RIF1: variants seen among roughly 807,000 people sequenced by gnomAD.
RIF1 encodes the protein telomere-associated protein RIF1.
RIF1 carries 45 observed loss-of-function variants against 247.1 expected under a neutral mutation model. The observed-to-expected ratio is 0.18, with a 90% CI of 0.14 to 0.23. The LOEUF (loss-of-function observed/expected upper bound fraction) is 0.23. Among genes scored for constraint, RIF1 ranks in the 10% least tolerant of loss-of-function variants. RIF1 has a pLI of 1.00. For synonymous variants in RIF1, 1,087 were observed against 978.8 expected, an observed-to-expected ratio of 1.11 and a Z score of -2.06; for missense variants, 2,967 against 2,862.5, an observed-to-expected ratio of 1.04 and a Z score of -0.83.
intron 9 of RIF1, chr2:151,491,840 G>A: frequency 7.5e-7 from 1 of 1,329,380 alleles, no homozygotes; most frequent in Non-Finnish European, 1.0e-6. Context: ...GAAAACCAAG[G>A]CATGAATTTT....
At chr2:151,531,266 C>T in the RIF1 span, among the ~76,000 whole-genome samples, 2 of 147,968 alleles carry the variant, frequency 1.4e-5, no homozygotes, top group Non-Finnish European at 3.0e-5. Flanking sequence ...TTCCAGCTGG[C>T]GTGTCTGCCA....
intron 11 of RIF1, chr2:151,499,684 C>T: frequency 1.5e-5 from 4 of 275,482 alleles, no homozygotes; most frequent in South Asian, 4.1e-5. Context: ...CACTAAAATA[C>T]TCAGTGTACA....
intron 23 of RIF1, among the ~76,000 whole-genome samples, chr2:151,457,095 T>C (rs1434145154): frequency 1.3e-5 from 2 of 152,142 alleles, no homozygotes; most frequent in Non-Finnish European, 1.5e-5. Context: ...GGGTTTTTTT[T>C]TTTTTAAGGA....
the RIF1 span, chr2:151,525,261 T>C: frequency 5.0e-6 from 8 of 1,611,376 alleles, no homozygotes; most frequent in Non-Finnish European, 6.8e-6. Context: ...ACAAACTTCT[T>C]TTTGTAATTT....
the RIF1 span, chr2:151,525,256 C>CT: frequency 6.2e-7 from 1 of 1,612,608 alleles, no homozygotes; most frequent in Non-Finnish European, 8.5e-7. Context: ...CCTTGACAAA[C>CT]TTCTTTTTGT....
At chr2:151,430,199 T>C (rs1417876218) in intron 9 of RIF1, among the ~76,000 whole-genome samples, 1 of 151,976 alleles carries the variant, frequency 6.6e-6, no homozygotes, top group South Asian at 2.1e-4. Context: ...TTTTTTGTAT[T>C]TTTAGTAGAG....
the RIF1 span, chr2:151,533,573 C>G: frequency 1.5e-6 from 2 of 1,368,100 alleles, no homozygotes; most frequent in Non-Finnish European, 2.0e-6. Flanking sequence ...CAGTGAAGCA[C>G]AAAAGAGACT....
rs1694954907 is a variant in RIF1, at chr2:151,455,018, A to G, written c.2468A>G (p.His823Arg). 2.5e-6 allele frequency: 4 copies of G among 1,613,990 alleles called. No homozygotes were observed. The highest frequency in any genetic ancestry group is 4.5e-5 in the East Asian group (2 of 44,846). The change falls in exon 22 of 36, where the codon CAT becomes CGT. Residue 823 changes from histidine (H) to arginine (R), a missense_variant. Coordinates refer to ENST00000444746, the MANE Select transcript of RIF1 (RefSeq NM_018151.5). The stretch of plus-strand genomic sequence containing the variant: ...CACACACTGAGCTTCAAGGAAGCAC[A>G]TTCTGATACCCTCTTCACTATTGGC... ...SFHTLSFKEA[H>R]SDTLFTIGNS... is the part of the protein sequence containing the mutation.
chr2:151,480,382 A>T lies in RIF1; in HGVS notation c.*5311A>T, dbSNP rs1351473941. The T allele has an allele frequency of 6.6e-6, 1 of 152,186 alleles. No homozygotes were observed. Among genetic ancestry groups the T allele is most frequent in the Non-Finnish European group, 1.5e-5 (1 of 68,020 alleles). 9.4% of individuals were successfully genotyped at this position (152,186 alleles called of 1,614,324 possible). On this transcript the variant is annotated 3_prime_UTR_variant, in exon 36 of 36. Coordinates refer to ENST00000444746, the MANE Select transcript of RIF1 (RefSeq NM_018151.5). ...TGATGCACTGAGAAGTGATGAGTTG[A>T]AGAGAATGGAAAAGGCAGATTGAGC... is the stretch of plus-strand genomic sequence containing the variant.
chr2:151,428,872 T>A lies in RIF1; in HGVS notation c.875T>A (p.Ile292Lys). Residue 292 changes from isoleucine (I) to lysine (K), a missense_variant, in exon 9 of 36, where the codon ATA becomes AAA. By Grantham distance (102) the Ile-to-Lys change is moderately radical (BLOSUM62 -3). Transcript: ENST00000444746. ...AGTGGAGCACCCATGATTAAAAAGA[T>A]AGCTTTTATTGCTTGGAAGAGTTTA... ...FRSGAPMIKK[I>K]AFIAWKSLID... 6.5e-7 allele frequency: 1 copy of A among 1,532,676 alleles called. No individual in the cohort carries two copies. The highest frequency in any genetic ancestry group is 9.0e-7 in the Non-Finnish European group (1 of 1,106,142). 94.9% of individuals were successfully genotyped at this position (1,532,676 alleles called of 1,614,324 possible).
At chr2:151,469,657 A>G in intron 33 of RIF1, 54 bp from the exon 34 acceptor site, 4 of 1,300,264 alleles carry the variant, frequency 3.1e-6, no homozygotes, top group Non-Finnish European at 3.1e-6. Context: ...ACCCTTGCAA[A>G]TAGCATATAA....
downstream of RIF1, among the ~76,000 whole-genome samples, chr2:151,485,055 T>A (rs2049481893): frequency 6.6e-6 from 1 of 152,192 alleles, no homozygotes; most frequent in Non-Finnish European, 1.5e-5. Flanking sequence ...TGGTTGCTTC[T>A]TCTCCCTTTG....
downstream of RIF1, chr2:151,512,593 C>A: frequency 1.4e-6 from 1 of 704,502 alleles, no homozygotes; most frequent in Non-Finnish European, 2.5e-6. Context: ...GGAATACAGA[C>A]GTGAGCCACT....
At chr2:151,436,680 T>TG in intron 11 of RIF1, 147 bp from the exon 12 acceptor site, 1 of 567,510 alleles carries the variant, frequency 1.8e-6, no homozygotes, top group Non-Finnish European at 3.0e-6. Flanking sequence ...ACAGAATACC[T>TG]GCATATTAAT....
rs57595818 is a variant in RIF1, at chr2:151,415,585, A to AAG, written c.280+666_280+667insAG. ...TCTCAAAAAAAAAAAAAAAAAAAAA[A>AAG]GGATATTGCTGGGTGCAGTGTCTCA... On this transcript the variant is annotated intron_variant, in intron 4 of 35. Transcript: ENST00000444746. Among the ~76,000 whole-genome samples, 5 of 16,080 alleles carry AAG rather than the reference A, an allele frequency of 3.1e-4. No individual in the cohort carries two copies. In the East Asian group the frequency reaches 0.054, roughly 172 times the overall value. The allele number at this position is 16,080 out of a possible 152,430, so 10.5% of individuals were successfully genotyped here.
rs1372842997 is a variant in RIF1 at position 151,454,974 on chromosome 2, G to A, written c.2424G>A (p.Val808=). Residue 808 remains valine, a synonymous_variant, in exon 22 of 36, where the codon GTG becomes GTA. Transcript: ENST00000444746. ...TGACTTCTTTATTTAAACTTATTGT[G>A]AAAGTGATCTATTCTTTCCACACAC... ...GKLTSLFKLI[V]KVIYSFHTLS... The A allele has an allele frequency of 1.2e-6, 2 of 1,613,360 alleles. No individual in the cohort carries two copies. The highest frequency in any genetic ancestry group is 2.2e-5 in the East Asian group (1 of 44,798).
Position 151,441,892 on chromosome 2 carries a change from T to G in RIF1, c.1648-13T>G. On this transcript the variant is annotated splice_polypyrimidine_tract_variant and intron_variant, in intron 15 of 35. Coordinates refer to ENST00000444746, the MANE Select transcript of RIF1 (RefSeq NM_018151.5). ...TACGGCTAATTTACTGTAAAACCTTTTATCTCTCATAGGTCCTCATGGAAA... is the reference window on the plus strand; with the variant it reads ...TACGGCTAATTTACTGTAAAACCTTGTATCTCTCATAGGTCCTCATGGAAA... The G allele has an allele frequency of 1.5e-6, 2 of 1,343,224 alleles. No individual in the cohort carries two copies. Among genetic ancestry groups the G allele is most frequent in the South Asian group, 1.3e-5 (1 of 78,682 alleles). The allele number at this position is 1,343,224 out of a possible 1,614,324, so 83.2% of individuals were successfully genotyped here. A position where few individuals can be genotyped will look rare whatever the true frequency, so the allele number is the denominator to read the frequency against.
At chr2:151,523,763 C>T in the RIF1 span, among the ~76,000 whole-genome samples, 1 of 152,334 alleles carries the variant, frequency 6.6e-6, no homozygotes, top group Non-Finnish European at 1.5e-5. Context: ...CATCAGCACC[C>T]TGTGCATACC....
intron 17 of RIF1, 24 bp downstream of exon 17, chr2:151,443,353 A>G: frequency 6.7e-7 from 1 of 1,491,432 alleles, no homozygotes; most frequent in Non-Finnish European, 9.3e-7. Flanking sequence ...TTAACTTGAA[A>G]CTTTGTCTTG....
Sources: allele counts gnomAD v4.1 joint callset (sites outside exome capture counted in the v4.1 genomes callset), GRCh38; gene constraint gnomAD v4.1.1; transcripts MANE v1.5; gene names NCBI Gene and HGNC (gene_info 2026-07-23, HGNC 2026-07-21).